TNIK: variants seen among roughly 807,000 people sequenced by gnomAD.
TNIK encodes the protein TRAF2 and NCK-interacting protein kinase.
A neutral mutation model predicts 191.3 loss-of-function variants in TNIK; 49 were observed. The ratio of observed to expected loss-of-function variants is 0.26; its 90% confidence interval spans 0.20 to 0.32. TNIK has a LOEUF of 0.32. Ranked by LOEUF, TNIK falls within the 10% of genes least tolerant of loss-of-function variation. The pLI is 1.00. For missense variants in TNIK, 1,155 were observed against 1,702.3 expected (o/e 0.68, Z 5.66); for synonymous variants, 594 against 600.9 (o/e 0.99, Z 0.17).
rs905127 is a variant in TNIK, at chr3:171,225,080, G to A, written c.180+3085C>T. 2.5e-3 allele frequency among the ~76,000 whole-genome samples: 378 copies of A among 152,286 alleles called. 1 individual carries two copies. The highest frequency in any genetic ancestry group is 8.4e-3 in the African/African-American group (347 of 41,550). The stretch of plus-strand genomic sequence containing the variant: ...GTAACTTTGTAGTAGGTCATAGCAT[G>A]TAATTAACAAAGACGACCTTTGAGA... On this transcript the variant is annotated intron_variant, in intron 3 of 32. Coordinates refer to ENST00000436636, the MANE Select transcript of TNIK (RefSeq NM_015028.4).
At chr3:171,396,892 G>T (rs1720324753) in intron 1 of TNIK, among the ~76,000 whole-genome samples, 1 of 151,990 alleles carries the variant, frequency 6.6e-6, no homozygotes, top group African/African-American at 2.4e-5. Flanking sequence ...CACTAAAGAT[G>T]GAATATAAAA....
chr3:171,128,478 A>G (rs1015413799), intron 16 of TNIK, among the ~76,000 whole-genome samples: 8 of 152,190 alleles, frequency 5.3e-5, no homozygotes, highest in African/African-American at 1.9e-4. Flanking sequence ...AGAGAGGCCA[A>G]TTTAAATAGA....
At chr3:171,376,347 C>T (rs1266978872) in intron 1 of TNIK, among the ~76,000 whole-genome samples, 1 of 152,098 alleles carries the variant, frequency 6.6e-6, no homozygotes, top group African/African-American at 2.4e-5. Context: ...CTTTAACTTC[C>T]CCTCTTCTAA....
In TNIK at chr3:171,367,093, A is replaced by G. The variant is rs192032016; in HGVS notation, c.123+2527T>C. Among the ~76,000 whole-genome samples, 442 of 151,986 alleles carry G rather than the reference A, an allele frequency of 2.9e-3. 2 individuals carry two copies. The highest frequency in any genetic ancestry group is 7.7e-3 in the South Asian group (37 of 4,824). ...GGAGAACAGACTAATACAGTATTTA[A>G]CAGAAAGAAAATACTTATCATATGA... On this transcript the variant is annotated intron_variant, in intron 2 of 32. Transcript: ENST00000436636.
intron 2 of TNIK, among the ~76,000 whole-genome samples, chr3:171,309,506 G>A (rs903338283): frequency 6.6e-6 from 1 of 152,080 alleles, no homozygotes; most frequent in Non-Finnish European, 1.5e-5. Context: ...CCTGAAGCAT[G>A]CAATTTATCT....
At chr3:171,303,922 C>A (rs906213376) in intron 2 of TNIK, among the ~76,000 whole-genome samples, 1 of 151,932 alleles carries the variant, frequency 6.6e-6, no homozygotes, top group African/African-American at 2.4e-5. Flanking sequence ...AGGCAAGGAA[C>A]CTTTATAGAG....
intron 1 of TNIK, among the ~76,000 whole-genome samples, chr3:171,421,500 T>C (rs1418105426): frequency 6.6e-6 from 1 of 152,210 alleles, no homozygotes; most frequent in Non-Finnish European, 1.5e-5. Flanking sequence ...TCTGAAGTCA[T>C]GGTACCACCA....
At chr3:171,230,150 C>CT (rs1743446366) in intron 2 of TNIK, among the ~76,000 whole-genome samples, 3 of 152,210 alleles carry the variant, frequency 2.0e-5, no homozygotes, top group South Asian at 4.1e-4. Context: ...ACCAGGAACA[C>CT]TAACTTTCTT....
chr3:171,282,315 T>C (rs1185567383), intron 2 of TNIK, among the ~76,000 whole-genome samples: 2 of 150,376 alleles, frequency 1.3e-5, no homozygotes, highest in East Asian at 1.9e-4. Context: ...AAAGGAACTA[T>C]CTGCAGATTC....
At chr3:171,259,139 T>A (rs1414128488) in intron 2 of TNIK, among the ~76,000 whole-genome samples, 1 of 152,086 alleles carries the variant, frequency 6.6e-6, no homozygotes, top group East Asian at 1.9e-4. Flanking sequence ...AGAGAGTGTA[T>A]GTGTGTGTGT....
At chr3:171,198,201 T>C (rs1300193368) in intron 4 of TNIK, among the ~76,000 whole-genome samples, 1 of 151,330 alleles carries the variant, frequency 6.6e-6, no homozygotes, top group East Asian at 1.9e-4. Flanking sequence ...AGGCGGAGCT[T>C]GCAGTGAGCC....
chr3:171,446,746 A>G (rs1577969630), intron 1 of TNIK, among the ~76,000 whole-genome samples: 1 of 152,190 alleles, frequency 6.6e-6, no homozygotes, highest in Non-Finnish European at 1.5e-5. Flanking sequence ...AATAGTCTCT[A>G]TTCTATCATG....
intron 26 of TNIK, among the ~76,000 whole-genome samples, chr3:171,083,914 G>A (rs60680700): frequency 0.098 from 14,962 of 152,034 alleles, 827 homozygotes; most frequent in Middle Eastern, 0.16. Context: ...TATCACTATT[G>A]TGTGACAAGG....
At chr3:171,128,641 T>C (rs1408023955) in intron 16 of TNIK, 73 bp downstream of exon 16, 31 of 1,497,374 alleles carry the variant, frequency 2.1e-5, no homozygotes, top group Non-Finnish European at 2.7e-5. Flanking sequence ...ATGTTACAAT[T>C]CCCTAGGCTT....
At chr3:171,173,865 C>G (rs1735642095) in intron 9 of TNIK, among the ~76,000 whole-genome samples, 1 of 152,058 alleles carries the variant, frequency 6.6e-6, no homozygotes. Context: ...ACTGTCACTT[C>G]CAGGGAAGAG....
At chr3:171,114,876 A>G (rs966352739) in intron 18 of TNIK, among the ~76,000 whole-genome samples, 3 of 152,246 alleles carry the variant, frequency 2.0e-5, no homozygotes, top group Non-Finnish European at 4.4e-5. Context: ...AATGTCTAAA[A>G]TGATAAATGT....
intron 2 of TNIK, among the ~76,000 whole-genome samples, chr3:171,336,124 C>T (rs1488970379): frequency 6.6e-6 from 1 of 152,106 alleles, no homozygotes; most frequent in Non-Finnish European, 1.5e-5. Flanking sequence ...CTACATTACT[C>T]ATTTAAATTT....
intron 1 of TNIK, among the ~76,000 whole-genome samples, chr3:171,426,154 C>A (rs1406998577): frequency 2.6e-5 from 4 of 151,900 alleles, no homozygotes; most frequent in African/African-American, 9.7e-5. Flanking sequence ...TGGAACCAAC[C>A]CAAATGTCCA....
At chr3:171,122,281 C>A (rs1727858626) in intron 18 of TNIK, among the ~76,000 whole-genome samples, 1 of 152,232 alleles carries the variant, frequency 6.6e-6, no homozygotes, top group Admixed American at 6.5e-5. Flanking sequence ...TCAAAGGAAG[C>A]AGGAGCACTG....
Sources: allele counts gnomAD v4.1 joint callset (sites outside exome capture counted in the v4.1 genomes callset), GRCh38; gene constraint gnomAD v4.1.1; transcripts MANE v1.5; gene names NCBI Gene and HGNC (gene_info 2026-07-23, HGNC 2026-07-21).